The following CELA3B variants were observed in gnomAD, a reference collection of about 807,000 sequenced individuals.
The protein encoded by CELA3B is chymotrypsin like elastase 3B.
Under a neutral mutation model 37.2 loss-of-function variants are expected in CELA3B, and 34 were observed. The ratio of observed to expected loss-of-function variants is 0.91; its 90% CI spans 0.70 to 1.22. The LOEUF is 1.22. Among genes scored for constraint, CELA3B ranks in the 50% most tolerant of loss-of-function variants. The pLI is 0.00. For synonymous variants in CELA3B, 127 were observed against 143.5 expected (o/e 0.89, Z 0.82); for missense variants, 340 against 363.1 (o/e 0.94, Z 0.52).
Position 21,977,092 on chromosome 1 carries a change from C to A in CELA3B, c.43+10C>A, listed in dbSNP as rs373378751. On this transcript the variant is annotated intron_variant, in intron 1 of 7. Transcript: ENST00000337107. ...CTCCTTGTGGCCGTTGGTAAGACCC[C>A]AACCTGTGTGTGTGCTCCCTGGGCT... 159 of 1,614,178 alleles carry A rather than the reference C, an allele frequency of 9.9e-5. No homozygotes were observed. The African/African-American group carries it at 1.9e-3, about 19-fold the overall frequency.
chr1:21,981,206 T>C, intron 4 of CELA3B, 34 bp downstream of exon 4: 1 of 1,605,996 alleles, frequency 6.2e-7, no homozygotes, highest in South Asian at 1.1e-5. Flanking sequence ...ACCCAGAGGC[T>C]CCTCTACTCA....
chr1:21,981,739 T>C (rs1244814489), intron 4 of CELA3B, among the ~76,000 whole-genome samples: 5 of 151,984 alleles, frequency 3.3e-5, no homozygotes, highest in African/African-American at 1.2e-4. Flanking sequence ...TTTTTTTTTT[T>C]TTTTGAGATG....
Position 21,986,589 on chromosome 1 carries a change from G to C in CELA3B, c.701G>C (p.Gly234Ala). 1 of 1,614,118 alleles carries C rather than the reference G, an allele frequency of 6.2e-7. No individual in the cohort carries two copies. The stretch of plus-strand genomic sequence containing the variant: ...GAGGATGGTGGCTGGCAGGTCCATG[G>C]CGTGACCAGCTTTGTTTCTGCCTTT... The part of the protein sequence containing the change: ...PTEDGGWQVH[G>A]VTSFVSAFGC... The change falls in exon 7 of 8, where the codon GGC becomes GCC. Residue 234 changes from glycine (G) to alanine (A), a missense_variant. Physicochemically the swap from Gly to Ala is moderately conservative, Grantham distance 60. Coordinates refer to ENST00000337107, the MANE Select transcript of CELA3B (RefSeq NM_007352.4).
In CELA3B at chr1:21,988,180, C is replaced by A. The variant is rs182927307; in HGVS notation, c.796-1082C>A. 6.4e-4 allele frequency among the ~76,000 whole-genome samples: 97 copies of A among 151,600 alleles called. No individual in the cohort carries two copies. The East Asian group carries it at 0.016, about 25-fold the overall frequency. ...TGCGCCGAGATTACGCCACTGCACT[C>A]CAGCCTGGGTGACAGAGCAAGACTC... is the stretch of plus-strand genomic sequence containing the variant. On this transcript the variant is annotated intron_variant, in intron 7 of 7. Transcript: ENST00000337107.
At chr1:21,993,476 AAAAG>A (rs753857054), downstream of CELA3B, among the ~76,000 whole-genome samples, 23,157 of 141,096 alleles carry the variant, frequency 0.16, 2,474 homozygotes, top group African/African-American at 0.38. Context: ...AAAAAAAAAA[AAAAG>A]AAGAAGAAAA....
At chr1:21,989,737 G>A (rs1030908003), downstream of CELA3B, among the ~76,000 whole-genome samples, 2 of 151,008 alleles carry the variant, frequency 1.3e-5, no homozygotes, top group Non-Finnish European at 2.9e-5. Flanking sequence ...AGGACAATGT[G>A]TGATCTGCTT....
chr1:21,988,896 A>G (rs1418360702), intron 7 of CELA3B, among the ~76,000 whole-genome samples: 3 of 54,242 alleles, frequency 5.5e-5, no homozygotes, highest in African/African-American at 2.5e-4. Context: ...TCTCAAAAAG[A>G]AAAAAAACTC....
At chr1:21,998,322 G>C (rs1644899842) in exon 5 of CELA3B, 7 of 429,364 alleles carry the variant, frequency 1.6e-5, no homozygotes, top group South Asian at 1.0e-4. Context: ...TTCACTGAGT[G>C]CCCACTGGGT....
At chr1:21,980,775 C>G (rs1259039444) in intron 2 of CELA3B, 49 bp from the exon 3 acceptor site, 1 of 1,363,452 alleles carries the variant, frequency 7.3e-7, no homozygotes, top group Non-Finnish European at 1.0e-6. Context: ...GGTGGCAACT[C>G]TCATGGTGGG....
At chr1:21,979,372 G>A (rs147552546) in intron 2 of CELA3B, among the ~76,000 whole-genome samples, 6,382 of 151,570 alleles carry the variant, frequency 0.042, 283 homozygotes, top group African/African-American at 0.12. Flanking sequence ...GCACCCAGCT[G>A]AAATTTACTT....
chr1:21,978,297 G>C lies in CELA3B; in HGVS notation c.44-72G>C, dbSNP rs542831691. ...CACAGCCACTTGAAGGCACGGCTTG[G>C]ACTGGGACCCTGGCCTCCTCTTTGC... On this transcript the variant is annotated intron_variant, in intron 1 of 7. Transcript: ENST00000337107. 156 of 1,570,160 alleles carry C rather than the reference G, an allele frequency of 9.9e-5. 3 individuals carry two copies. In the South Asian group the frequency reaches 1.7e-3, roughly 17 times the overall value.
chr1:21,985,119 A>G (rs1378026855), intron 6 of CELA3B, among the ~76,000 whole-genome samples: 1 of 149,978 alleles, frequency 6.7e-6, no homozygotes, highest in Non-Finnish European at 1.5e-5. Flanking sequence ...CATCTACAAA[A>G]AAAACTTTTT....
downstream of CELA3B, among the ~76,000 whole-genome samples, chr1:21,993,173 A>G (rs1188471614): frequency 1.3e-5 from 2 of 151,422 alleles, no homozygotes; most frequent in Non-Finnish European, 2.9e-5. Flanking sequence ...AGGTTATTGT[A>G]TTTATGGCTG....
At chr1:21,985,882 C>G (rs1644836024) in intron 6 of CELA3B, among the ~76,000 whole-genome samples, 1 of 149,702 alleles carries the variant, frequency 6.7e-6, no homozygotes. Flanking sequence ...CAGAGCGAGA[C>G]ACTGACTCAG....
At chr1:21,978,903 C>T (rs150583346) in intron 2 of CELA3B, among the ~76,000 whole-genome samples, 2,337 of 151,562 alleles carry the variant, frequency 0.015, 29 homozygotes, top group Non-Finnish European at 0.026. Context: ...TAAATTAGGC[C>T]GGGCACGGTG....
rs1179520323 is a variant in CELA3B at position 21,981,105 on chromosome 1, G to A, written c.295G>A (p.Val99Met). ...TGCTGTGAAGGAGGGCCCCGAGCAG[G>A]TGATCCCCATCAACTCTGGGGACCT... The part of the protein sequence containing the change: ...DRAVKEGPEQ[V>M]IPINSGDLFV... The change falls in exon 4 of 8, where the codon GTG (valine) becomes ATG (methionine). Residue 99 changes from valine (V) to methionine (M), a missense_variant. Physicochemically the swap from Val to Met is conservative, Grantham distance 21. Coordinates refer to ENST00000337107, the MANE Select transcript of CELA3B (RefSeq NM_007352.4). The A allele has an allele frequency of 6.2e-7, 1 of 1,613,532 alleles. No homozygotes were observed. The highest frequency in any genetic ancestry group is 1.1e-5 in the South Asian group (1 of 91,050).
intron 2 of CELA3B, 125 bp from the exon 3 acceptor site, chr1:21,980,699 G>A (rs1304273285): frequency 2.8e-6 from 2 of 714,000 alleles, no homozygotes; most frequent in Non-Finnish European, 4.7e-6. Context: ...ATTTCAGTGG[G>A]TGCTCTTGTT....
intron 7 of CELA3B, 99 bp from the exon 8 acceptor site, chr1:21,989,163 G>T (rs1644858162): frequency 8.2e-6 from 13 of 1,591,870 alleles, no homozygotes; most frequent in African/African-American, 2.7e-5. Flanking sequence ...TCCTCTCCCA[G>T]GGTCACACAG....
intron 4 of CELA3B, among the ~76,000 whole-genome samples, chr1:21,982,727 G>C (rs562620955): frequency 3.9e-5 from 6 of 152,190 alleles, no homozygotes; most frequent in African/African-American, 1.4e-4. Context: ...ACCCAGGCTG[G>C]AGTGCAGTGG....
Sources: gnomAD v4.1 joint callset for allele counts (sites outside exome capture counted in the v4.1 genomes callset) on GRCh38, gnomAD v4.1.1 for gene constraint, MANE v1.5 for transcripts, NCBI Gene and HGNC (gene_info 2026-07-23, HGNC 2026-07-21) for gene names.